The following STK32C variants were observed in gnomAD, a reference collection of about 807,000 sequenced individuals.
STK32C encodes serine/threonine-protein kinase 32C.
Under a neutral mutation model 56.5 loss-of-function variants are expected in STK32C, and 31 were observed. The observed-to-expected ratio is 0.55, with a 90% CI of 0.41 to 0.74. The LOEUF is 0.74. Ranked by LOEUF, STK32C falls within the 30% of genes least tolerant of loss-of-function variation. The probability of loss-of-function intolerance (pLI) is 0.00; values close to 1 mark genes in which losing one functional copy is unlikely to be tolerated. For missense variants in STK32C, 544 were observed against 676.9 expected, an observed-to-expected ratio of 0.80 and a Z score of 2.18; for synonymous variants, 309 against 289.4, an observed-to-expected ratio of 1.07 and a Z score of -0.69.
intron 1 of STK32C, among the ~76,000 whole-genome samples, chr10:132,325,552 T>C (rs1403706860): frequency 7.1e-6 from 1 of 141,530 alleles, no homozygotes; most frequent in African/African-American, 2.6e-5. Flanking sequence ...GAGTCCGTCT[T>C]AAAAAAAAAA....
chr10:132,283,771 G>A (rs1286765017), intron 1 of STK32C, among the ~76,000 whole-genome samples: 2 of 152,176 alleles, frequency 1.3e-5, no homozygotes, highest in African/African-American at 4.8e-5. Context: ...GCCTGAGACT[G>A]AGAAACACAG....
intron 1 of STK32C, among the ~76,000 whole-genome samples, chr10:132,326,137 A>T (rs2066495516): frequency 6.6e-6 from 1 of 152,164 alleles, no homozygotes; most frequent in Non-Finnish European, 1.5e-5. Context: ...AAGGGTAAAG[A>T]TCCAGTTATG....
At chr10:132,287,176 T>G (rs2138277747) in intron 1 of STK32C, among the ~76,000 whole-genome samples, 1 of 152,288 alleles carries the variant, frequency 6.6e-6, no homozygotes, top group East Asian at 1.9e-4. Context: ...ATGTCCCAAC[T>G]GCCACAGATT....
chr10:132,241,764 GACGGGCTGTCC>G (rs1430705549), intron 2 of STK32C, among the ~76,000 whole-genome samples: 1 of 152,128 alleles, frequency 6.6e-6, no homozygotes, highest in African/African-American at 2.4e-5. Flanking sequence ...CTGCACCCTC[GACGGGCTGTCC>G]ACAAGCAGCT....
In STK32C at chr10:132,307,920, G is replaced by A. The variant is rs1370729943; in HGVS notation, c.-87C>T. On this transcript the variant is annotated 5_prime_UTR_variant, in exon 1 of 12. Coordinates refer to ENST00000298630, the MANE Select transcript of STK32C (RefSeq NM_173575.4). The surrounding 1 kb of genome is among the most constrained non-coding windows in gnomAD (Gnocchi z 4.4). ...AGCGGCAGTGGTAGCGGGAGCGCTC[G>A]GGGCCGGCAGCGCCCGCCGTGCGCT... 1.4e-5 allele frequency: 15 copies of A among 1,083,268 alleles called. No individual in the cohort carries two copies. In the South Asian group the frequency reaches 2.2e-4, roughly 16 times the overall value. 67.1% of individuals were successfully genotyped at this position (1,083,268 alleles called of 1,614,324 possible).
At chr10:132,250,625 G>A (rs2063866719) in intron 1 of STK32C, among the ~76,000 whole-genome samples, 1 of 150,508 alleles carries the variant, frequency 6.6e-6, no homozygotes, top group African/African-American at 2.5e-5. Context: ...AGGCAGGTGG[G>A]TGTGAGGTGC....
At chr10:132,322,008 G>T (rs186798314), downstream of STK32C, among the ~76,000 whole-genome samples, 118 of 152,266 alleles carry the variant, frequency 7.7e-4, no homozygotes, top group African/African-American at 2.7e-3. Flanking sequence ...ATGCTCCCAA[G>T]ATATTGACGA....
intron 1 of STK32C, among the ~76,000 whole-genome samples, chr10:132,259,504 T>G (rs575964333): frequency 6.6e-6 from 1 of 151,654 alleles, no homozygotes; most frequent in African/African-American, 2.4e-5. Context: ...TGGGGTGGAG[T>G]TCCCCCTTGC....
chr10:132,274,710 A>C (rs1339600601), intron 1 of STK32C, among the ~76,000 whole-genome samples: 1 of 152,132 alleles, frequency 6.6e-6, no homozygotes, highest in Non-Finnish European at 1.5e-5. Flanking sequence ...GCAAACCTCA[A>C]AATCCACGGG....
At chr10:132,223,168 G>A (rs1187087329) in intron 8 of STK32C, among the ~76,000 whole-genome samples, 182 bp from the exon 9 acceptor site, 1 of 152,228 alleles carries the variant, frequency 6.6e-6, no homozygotes, top group Non-Finnish European at 1.5e-5. Context: ...AAAGCACCGT[G>A]GCTGGCTCAG....
intron 1 of STK32C, among the ~76,000 whole-genome samples, chr10:132,276,234 A>G (rs576742635): frequency 6.6e-6 from 1 of 152,348 alleles, no homozygotes; most frequent in South Asian, 2.1e-4. Context: ...TTTCAAGGGA[A>G]GATGCAGAAA....
chr10:132,280,693 G>A (rs977243214), intron 1 of STK32C, among the ~76,000 whole-genome samples: 3 of 142,038 alleles, frequency 2.1e-5, no homozygotes, highest in Non-Finnish European at 3.0e-5. Context: ...CCTCCACTCC[G>A]TGATCATGAA....
chr10:132,224,329 G>T, intron 8 of STK32C, 78 bp downstream of exon 8: 1 of 1,042,754 alleles, frequency 9.6e-7, no homozygotes, highest in Non-Finnish European at 1.4e-6. Flanking sequence ...GCACTGGAGG[G>T]GGTGTCCCGA....
intron 1 of STK32C, among the ~76,000 whole-genome samples, chr10:132,277,384 G>A (rs1180221437): frequency 1.3e-5 from 2 of 152,218 alleles, no homozygotes; most frequent in East Asian, 3.9e-4. Context: ...TGAGGAGGCT[G>A]GGACCACACC....
chr10:132,322,561 T>G (rs1231951800), downstream of STK32C, among the ~76,000 whole-genome samples: 2 of 152,222 alleles, frequency 1.3e-5, no homozygotes, highest in Non-Finnish European at 2.9e-5. Context: ...CACTGGCGCA[T>G]AGCATACCTG....
chr10:132,238,009 G>A (rs1234184519), intron 2 of STK32C, among the ~76,000 whole-genome samples: 4 of 152,156 alleles, frequency 2.6e-5, no homozygotes, highest in African/African-American at 7.2e-5. Flanking sequence ...TGGAGCCCCC[G>A]AGACTCTCCA....
At position 132,224,506 on chromosome 10, in the gene STK32C, G is replaced by A. The variant is rs1193647320; in HGVS notation, c.894C>T (p.His298=). The change falls in exon 8 of 12, where the codon CAC becomes CAT. Residue 298 remains histidine, a synonymous_variant. Transcript: ENST00000298630. ...CCAGGGACTCCACGGCGTTGCTGGAGTGGATGTCATAGGGCCTCTGGAGAC... is the reference window on the plus strand; with the variant it reads ...CCAGGGACTCCACGGCGTTGCTGGAATGGATGTCATAGGGCCTCTGGAGAC... ...LLRGWRPYDI[H]SSNAVESLVQ... 1.3e-6 allele frequency: 2 copies of A among 1,591,946 alleles called. No homozygotes were observed. Among genetic ancestry groups the A allele is most frequent in the African/African-American group, 2.7e-5 (2 of 74,678 alleles).
intron 1 of STK32C, among the ~76,000 whole-genome samples, chr10:132,318,111 T>C (rs2066340438): frequency 6.7e-6 from 1 of 148,962 alleles, no homozygotes; most frequent in Non-Finnish European, 1.5e-5. Flanking sequence ...CTACTTAAAA[T>C]ACAAAAATTA....
upstream of STK32C, chr10:132,332,095 T>G: frequency 1.9e-5 from 4 of 205,886 alleles, no homozygotes; most frequent in South Asian, 1.3e-4. Flanking sequence ...ACCACACCCC[T>G]CGCGCAGGCG....
Sources: gnomAD v4.1 joint callset for allele counts (sites outside exome capture counted in the v4.1 genomes callset) on GRCh38, gnomAD v4.1.1 for gene constraint, Gnocchi (gnomAD v3.1) non-coding constraint, MANE v1.5 for transcripts, NCBI Gene and HGNC (gene_info 2026-07-23, HGNC 2026-07-21) for gene names.